The following CTC1 variants were observed in gnomAD, a reference collection of about 807,000 sequenced individuals.
CTC1 encodes the protein CST telomere replication complex component 1, also known as CST complex subunit CTC1.
In CTC1, 91 loss-of-function variants were observed where a neutral mutation model predicts 136.3. That is an observed-to-expected ratio of 0.67 (90% CI 0.56 to 0.79). The LOEUF is 0.79. Ranked by LOEUF, CTC1 falls within the 30% of genes least tolerant of loss-of-function variation. The probability of loss-of-function intolerance (pLI) is 0.00; values close to 1 mark genes in which losing one functional copy is unlikely to be tolerated. For missense variants in CTC1, 1,432 were observed against 1,498.1 expected, an observed-to-expected ratio of 0.96 and a Z score of 0.73; for synonymous variants, 606 against 613.8, an observed-to-expected ratio of 0.99 and a Z score of 0.19.
At position 8,237,526 on chromosome 17, in the gene CTC1, A is replaced by C; in HGVS notation, c.648-7T>G. ...CACACCTCTGAGCTTGTTTCTAAGA[A>C]GGAAGAAAAAGCCCTGTAATCCCAG... On this transcript the variant is annotated splice_polypyrimidine_tract_variant and splice_region_variant and intron_variant, in intron 4 of 22. Coordinates refer to ENST00000651323, the MANE Select transcript of CTC1 (RefSeq NM_025099.6). The C allele has an allele frequency of 6.2e-7, 1 of 1,613,800 alleles. No homozygotes were observed. The highest frequency in any genetic ancestry group is 1.3e-5 in the African/African-American group (1 of 74,984).
At chr17:8,242,204 A>AAT (rs1555536225) in intron 2 of CTC1, among the ~76,000 whole-genome samples, 220 of 151,076 alleles carry the variant, frequency 1.5e-3, no homozygotes, top group African/African-American at 5.2e-3. Flanking sequence ...TAATTTTTGT[A>AAT]TTTTTTTTAG....
chr17:8,241,938 T>C (rs1988257107), intron 2 of CTC1, among the ~76,000 whole-genome samples: 1 of 151,832 alleles, frequency 6.6e-6, no homozygotes, highest in African/African-American at 2.4e-5. Flanking sequence ...TGCAAAACTC[T>C]ACATTATATT....
Position 8,229,134 on chromosome 17 carries a change from G to A in CTC1, c.3221+8C>T. On this transcript the variant is annotated splice_region_variant and intron_variant, in intron 20 of 22. Coordinates refer to ENST00000651323, the MANE Select transcript of CTC1 (RefSeq NM_025099.6). ...ATGGCACAATGGGTGCACGCCTTGT[G>A]CTCTCACCTGATGATGGCCTGGCTT... The A allele has an allele frequency of 1.2e-6, 2 of 1,613,444 alleles. No homozygotes were observed. The highest frequency in any genetic ancestry group is 2.2e-5 in the South Asian group (2 of 91,024).
Position 8,243,147 on chromosome 17 carries a change from T to A in CTC1, c.35A>T (p.Glu12Val). 6.2e-7 allele frequency: 1 copy of A among 1,611,232 alleles called. No homozygotes were observed. Among genetic ancestry groups the A allele is most frequent in the African/African-American group, 1.3e-5 (1 of 74,850 alleles). The change falls in exon 2 of 23, where the codon GAA becomes GTA. Residue 12 changes from glutamate (E) to valine (V), a missense_variant and splice_region_variant. By Grantham distance (121) the Glu-to-Val change is moderately radical. Transcript: ENST00000651323. ...AAGRAQVPSS[E>V]QAWLEDAQVF... is the part of the protein sequence containing the mutation. ...CTGAGCATCCTCAAGCCAGGCTTGT[T>A]CCTGAGGAAAGTGAATTTAGTTAAA...
chr17:8,241,862 A>AG, intron 2 of CTC1, among the ~76,000 whole-genome samples: 1 of 151,388 alleles, frequency 6.6e-6, no homozygotes, highest in South Asian at 2.1e-4. Context: ...AAAAAAAAAA[A>AG]AAAAAAGCAA....
chr17:8,236,094 T>C lies in CTC1; in HGVS notation c.1041A>G (p.Glu347=), dbSNP rs1301768587. 6.2e-7 allele frequency: 1 copy of C among 1,614,184 alleles called. No homozygotes were observed. Among genetic ancestry groups the C allele is most frequent in the Admixed American group, 1.7e-5 (1 of 60,014 alleles). ...PSNSEDKKDP[E]SLVRYSRLLS... The stretch of plus-strand genomic sequence containing the variant: ...GGAGTCTAGAATACCGGACAAGACT[T>C]TCTGGATCCTTCTTGTCCTCCGAGT... Residue 347 remains glutamate, a synonymous_variant, in exon 6 of 23, where the codon GAA becomes GAG. Transcript: ENST00000651323.
At chr17:8,241,543 T>C (rs1437678635) in intron 2 of CTC1, among the ~76,000 whole-genome samples, 1 of 146,672 alleles carries the variant, frequency 6.8e-6, no homozygotes, top group African/African-American at 2.5e-5. Flanking sequence ...GAGGCAGAGG[T>C]TGCAATGGGC....
rs1986555033 is a variant in CTC1 at position 8,225,451 on chromosome 17, A to T, written c.*2729T>A. 1 of 152,218 alleles carries T rather than the reference A, an allele frequency of 6.6e-6. No homozygotes were observed. The highest frequency in any genetic ancestry group is 1.5e-5 in the Non-Finnish European group (1 of 68,056). The allele number at this position is 152,218 out of a possible 1,614,324, so 9.4% of individuals were successfully genotyped here. A position where few individuals can be genotyped will look rare whatever the true frequency, so the allele number is the denominator to read the frequency against. ...GTCGAGAGCTTTCTGCCTATCTTCCAAGGAGGTTTAGGTCCTGCCAAGAGC... is the reference window on the plus strand; with the variant it reads ...GTCGAGAGCTTTCTGCCTATCTTCCTAGGAGGTTTAGGTCCTGCCAAGAGC... On this transcript the variant is annotated 3_prime_UTR_variant, in exon 23 of 23. Coordinates refer to ENST00000651323, the MANE Select transcript of CTC1 (RefSeq NM_025099.6).
At chr17:8,241,523 T>C (rs1988214882) in intron 2 of CTC1, among the ~76,000 whole-genome samples, 1 of 150,272 alleles carries the variant, frequency 6.7e-6, no homozygotes, top group Non-Finnish European at 1.5e-5. Context: ...GGAGAATCAC[T>C]TGAACCCAGG....
At chr17:8,236,030 A>T (rs1340759547) in intron 6 of CTC1, 28 bp downstream of exon 6, 3 of 1,599,794 alleles carry the variant, frequency 1.9e-6, no homozygotes, top group African/African-American at 2.7e-5. Context: ...CTGGCCCCTC[A>T]AGCTCTAGGA....
Position 8,226,317 on chromosome 17 carries a change from C to T in CTC1, c.*1863G>A, listed in dbSNP as rs575656418. 85 of 152,332 alleles carry T rather than the reference C, an allele frequency of 5.6e-4. No homozygotes were observed. Among genetic ancestry groups the T allele is most frequent in the African/African-American group, 1.9e-3 (79 of 41,552 alleles). The allele number at this position is 152,332 out of a possible 1,614,324, so 9.4% of individuals were successfully genotyped here. ...AACTAAGCCACGGCGCCGAAGCTGC[C>T]ATAAAGGTTCCTGAAATTCATCTAC... On this transcript the variant is annotated 3_prime_UTR_variant, in exon 23 of 23. Transcript: ENST00000651323.
At position 8,232,243 on chromosome 17, in the gene CTC1, A is replaced by G. The variant is rs759703808; in HGVS notation, c.2061-16T>C. ...GACATAGACTCTGTTGGGAGAGACA[A>G]GGAATACATTTCTTAGTGATGCAGG... is the stretch of plus-strand genomic sequence containing the variant. On this transcript the variant is annotated splice_polypyrimidine_tract_variant and intron_variant, in intron 12 of 22. Coordinates refer to ENST00000651323, the MANE Select transcript of CTC1 (RefSeq NM_025099.6). 6.5e-7 allele frequency: 1 copy of G among 1,537,636 alleles called. No individual in the cohort carries two copies. Among genetic ancestry groups the G allele is most frequent in the South Asian group, 1.3e-5 (1 of 77,710 alleles).
rs772247569 is a variant in CTC1 at position 8,232,462 on chromosome 17, C to T, written c.1959G>A (p.Arg653=). 1.2e-6 allele frequency: 2 copies of T among 1,613,932 alleles called. No homozygotes were observed. Among genetic ancestry groups the T allele is most frequent in the Admixed American group, 3.3e-5 (2 of 59,988 alleles). ...SDPRLIGCLV[R]AERFQLIVER... The stretch of plus-strand genomic sequence containing the variant: ...CTACGATCAACTGAAACCTCTCTGC[C>T]CGCACCAGGCAGCCTAGAGGAAGAA... Residue 653 remains arginine (R), a synonymous_variant, in exon 12 of 23, where the codon CGG becomes CGA. Coordinates refer to ENST00000651323, the MANE Select transcript of CTC1 (RefSeq NM_025099.6).
In CTC1 at chr17:8,230,354, G is replaced by A. The variant is rs1987106526; in HGVS notation, c.2873C>T (p.Ser958Leu). The change falls in exon 17 of 23, where the codon TCA becomes TTA. Residue 958 changes from serine to leucine, a missense_variant. Coordinates refer to ENST00000651323, the MANE Select transcript of CTC1 (RefSeq NM_025099.6). ...VYIEDPHLPP[S>L]LGLLPGARVH... ...CCGGGCTCCTGGAAGTAGTCCTAGT[G>A]AGGGAGGCAAGTGTGGGTCTTCTAT... 4 of 1,614,026 alleles carry A rather than the reference G, an allele frequency of 2.5e-6. No individual in the cohort carries two copies. The highest frequency in any genetic ancestry group is 4.5e-5 in the East Asian group (2 of 44,894).
intron 1 of CTC1, among the ~76,000 whole-genome samples, chr17:8,244,373 A>C (rs554477915): frequency 8.5e-5 from 13 of 152,242 alleles, no homozygotes; most frequent in African/African-American, 3.1e-4. Context: ...AGGGAAAAGG[A>C]CCAGTTTGGC....
rs570505368 is a variant in CTC1 at position 8,227,116 on chromosome 17, A to G, written c.*1064T>C. The G allele has an allele frequency of 1.3e-5, 2 of 152,302 alleles. No individual in the cohort carries two copies. Among genetic ancestry groups the G allele is most frequent in the South Asian group, 4.1e-4 (2 of 4,832 alleles). The allele number at this position is 152,302 out of a possible 1,614,324, so 9.4% of individuals were successfully genotyped here. On this transcript the variant is annotated 3_prime_UTR_variant, in exon 23 of 23. Transcript: ENST00000651323. ...CTTAATATAGGGTATTGCTACCATA[A>G]AAGCAGCATAAATCCCAACATATGG... is the stretch of plus-strand genomic sequence containing the variant.
In CTC1 at chr17:8,234,868, G is replaced by A. The variant is rs1359625369; in HGVS notation, c.1498C>T (p.Pro500Ser). 1.9e-6 allele frequency: 3 copies of A among 1,612,720 alleles called. No individual in the cohort carries two copies. In the African/African-American group the frequency reaches 4.0e-5, roughly 22 times the overall value. The change falls in exon 9 of 23, where the codon CCC (proline) becomes TCC (serine). Residue 500 changes from proline to serine, a missense_variant. Coordinates refer to ENST00000651323, the MANE Select transcript of CTC1 (RefSeq NM_025099.6). ...QFLQHSSPGS[P>S]SLGLQLLAPT... is the part of the protein sequence containing the mutation. ...GCCAGGAGTTGCAGTCCCAGGCTGG[G>A]GCTCCCAGGAGAGGAATGTTGCAGG...
At chr17:8,228,963 C>G (rs1424148401) in intron 20 of CTC1, 71 bp from the exon 21 acceptor site, 3 of 1,529,870 alleles carry the variant, frequency 2.0e-6, no homozygotes, top group African/African-American at 2.8e-5. Context: ...CCCAACATGC[C>G]TCCCTCCCCG....
In CTC1 at chr17:8,230,638, A is replaced by G. The variant is rs764648488; in HGVS notation, c.2683T>C (p.Leu895=). 1.2e-5 allele frequency: 20 copies of G among 1,614,178 alleles called. No homozygotes were observed. The highest frequency in any genetic ancestry group is 1.6e-5 in the Non-Finnish European group (19 of 1,179,972). Residue 895 remains leucine, a synonymous_variant, in exon 16 of 23, where the codon TTG becomes CTG. Coordinates refer to ENST00000651323, the MANE Select transcript of CTC1 (RefSeq NM_025099.6). ...AAAATCTCAGCGGAGAAAGACACCA[A>G]GGAATCTGTGAAACTGGAAGGTCAG... ...DLLSDNFTDS[L]VSFSAEILSR...
Sources: allele counts gnomAD v4.1 joint callset (sites outside exome capture counted in the v4.1 genomes callset), GRCh38; gene constraint gnomAD v4.1.1; transcripts MANE v1.5; gene names NCBI Gene and HGNC (gene_info 2026-07-23, HGNC 2026-07-21).